GNAT3: variants seen among roughly 807,000 people sequenced by gnomAD.
The protein encoded by GNAT3 is G protein subunit alpha transducin 3, also known as guanine nucleotide-binding protein G(t) subunit alpha-3.
GNAT3 carries 31 observed loss-of-function variants against 37.7 expected under a neutral mutation model. The ratio of observed to expected loss-of-function variants is 0.82; its 90% CI spans 0.62 to 1.11. The LOEUF is 1.11. GNAT3 is among the 50% of genes most tolerant of loss of function. The probability of loss-of-function intolerance (pLI) is 0.00; values close to 1 mark genes in which losing one functional copy is unlikely to be tolerated. For missense variants in GNAT3, 437 were observed against 412.5 expected (o/e 1.06, Z -0.51); for synonymous variants, 138 against 139.8 (o/e 0.99, Z 0.09).
intron 1 of GNAT3, among the ~76,000 whole-genome samples, chr7:80,499,382 A>G (rs1232519597): frequency 6.6e-6 from 1 of 152,122 alleles, no homozygotes; most frequent in Non-Finnish European, 1.5e-5. Context: ...AGAGCGGTGT[A>G]CTTTTTTTGT....
chr7:80,495,751 C>T (rs1226988839), intron 1 of GNAT3, among the ~76,000 whole-genome samples: 4 of 151,998 alleles, frequency 2.6e-5, no homozygotes, highest in Admixed American at 2.6e-4. Context: ...CAGGTGTGAG[C>T]CACTGCACCT....
intron 1 of GNAT3, among the ~76,000 whole-genome samples, chr7:80,498,471 A>G (rs1430846352): frequency 6.6e-6 from 1 of 152,206 alleles, no homozygotes; most frequent in African/African-American, 2.4e-5. Flanking sequence ...AGTATAGTCA[A>G]TTACAGCATT....
intron 5 of GNAT3, among the ~76,000 whole-genome samples, chr7:80,468,114 G>A (rs557034818): frequency 6.6e-6 from 1 of 152,084 alleles, no homozygotes; most frequent in South Asian, 2.1e-4. Context: ...ATTGACCAAG[G>A]CATTAATACA....
At chr7:80,508,149 A>T (rs752327957) in intron 1 of GNAT3, among the ~76,000 whole-genome samples, 11 of 152,032 alleles carry the variant, frequency 7.2e-5, no homozygotes, top group Non-Finnish European at 1.6e-4. Context: ...TGTAGAATAA[A>T]TGTTAATTAT....
At position 80,458,697 on chromosome 7, in the gene GNAT3, T is replaced by C; in HGVS notation, c.1039A>G (p.Asn347Asp). 6.3e-7 allele frequency: 1 copy of C among 1,578,474 alleles called. No homozygotes were observed. The highest frequency in any genetic ancestry group is 8.6e-7 in the Non-Finnish European group (1 of 1,163,664). ...DAVTDIIIKE[N>D]LKDCGLF ...TAGAAAAGCCCACAGTCTTTTAGAT[T>C]CTCTTTGATTATTATATCTGTAACT... Residue 347 changes from asparagine to aspartate, a missense_variant, in exon 8 of 8, where the codon AAT becomes GAT. Coordinates refer to ENST00000398291, the MANE Select transcript of GNAT3 (RefSeq NM_001102386.3).
At chr7:80,484,513 A>G (rs766875511) in intron 3 of GNAT3, among the ~76,000 whole-genome samples, 2 of 152,098 alleles carry the variant, frequency 1.3e-5, no homozygotes, top group African/African-American at 2.4e-5. Context: ...GTCCAAGATG[A>G]TTACAACAGT....
intron 1 of GNAT3, among the ~76,000 whole-genome samples, chr7:80,506,656 C>T (rs574751847): frequency 6.6e-6 from 1 of 152,264 alleles, no homozygotes; most frequent in African/African-American, 2.4e-5. Flanking sequence ...TTCCACTTCA[C>T]TGAGAAGCAG....
At chr7:80,496,570 A>T (rs1790720813) in intron 1 of GNAT3, among the ~76,000 whole-genome samples, 1 of 152,192 alleles carries the variant, frequency 6.6e-6, no homozygotes. Flanking sequence ...ATTATTTAAA[A>T]ATGTTCCTTT....
At chr7:80,498,293 A>G (rs555697246) in intron 1 of GNAT3, among the ~76,000 whole-genome samples, 1 of 152,248 alleles carries the variant, frequency 6.6e-6, no homozygotes, top group African/African-American at 2.4e-5. Context: ...CTGGTAATTC[A>G]TGCTGTGTTT....
intron 4 of GNAT3, 135 bp from the exon 5 acceptor site, chr7:80,474,514 C>G (rs1354916626): frequency 2.7e-6 from 1 of 374,748 alleles, no homozygotes; most frequent in South Asian, 7.4e-5. Flanking sequence ...TTTGAAGAAA[C>G]CAGGATTCAG....
At chr7:80,493,729 CTCCTCCTCCTCTTTCCTCCTCCACCTCTT>C (rs1562730618) in intron 2 of GNAT3, among the ~76,000 whole-genome samples, 8 of 135,698 alleles carry the variant, frequency 5.9e-5, no homozygotes, top group Non-Finnish European at 1.1e-4. Flanking sequence ...CTCTTTCCTC[CTCCTCCTCCTCTTTCCTCCTCCACCTCTT>C]TCCTCCTCCA....
chr7:80,511,820 A>C lies in GNAT3; in HGVS notation c.107T>G (p.Leu36Arg). The change falls in exon 1 of 8, where the codon CTG becomes CGG. Residue 36 changes from leucine to arginine, a missense_variant. Coordinates refer to ENST00000398291, the MANE Select transcript of GNAT3 (RefSeq NM_001102386.3). ...DAERDARTVKLLLLGAGESGK... is the reference protein window; with the variant it reads ...DAERDARTVKRLLLGAGESGK... ...GGAAAAGAAATTACCTAATAGTAGCAGCTTTACGGTTCTTGCATCTCGCTC... is the reference window on the plus strand; with the variant it reads ...GGAAAAGAAATTACCTAATAGTAGCCGCTTTACGGTTCTTGCATCTCGCTC... 1 of 1,606,338 alleles carries C rather than the reference A, an allele frequency of 6.2e-7. No homozygotes were observed.
intron 2 of GNAT3, among the ~76,000 whole-genome samples, chr7:80,490,715 C>T (rs1241880430): frequency 1.3e-5 from 2 of 152,106 alleles, no homozygotes; most frequent in African/African-American, 2.4e-5. Context: ...AAAGTAGATA[C>T]AATTATGATC....
In GNAT3 at chr7:80,458,781, T is replaced by A; in HGVS notation, c.955A>T (p.Ile319Phe). 6.3e-7 allele frequency: 1 copy of A among 1,596,246 alleles called. No homozygotes were observed. ...DLNLKKEDKE[I>F]YSHMTCATDT... The stretch of plus-strand genomic sequence containing the variant: ...GTAGCACAGGTCATGTGGGAATAAA[T>A]TTCCTTATCTTCTTTTTTTAAATTC... The change falls in exon 8 of 8, where the codon ATT (isoleucine) becomes TTT (phenylalanine). Residue 319 changes from isoleucine (I) to phenylalanine (F), a missense_variant. Transcript: ENST00000398291.
chr7:80,488,474 T>C, intron 3 of GNAT3, 61 bp downstream of exon 3: 3 of 1,394,418 alleles, frequency 2.2e-6, no homozygotes, highest in Non-Finnish European at 3.0e-6. Flanking sequence ...TATTAAGTCC[T>C]CTTATTTTAT....
At chr7:80,503,922 G>A (rs1036579167) in intron 1 of GNAT3, among the ~76,000 whole-genome samples, 2 of 152,160 alleles carry the variant, frequency 1.3e-5, no homozygotes, top group African/African-American at 4.8e-5. Flanking sequence ...AGAACAGACC[G>A]TGGTAGATGA....
At chr7:80,505,525 C>A (rs1041866872) in intron 1 of GNAT3, among the ~76,000 whole-genome samples, 3 of 152,094 alleles carry the variant, frequency 2.0e-5, no homozygotes, top group African/African-American at 7.2e-5. Context: ...CGCCAACACG[C>A]CCGGCTAACT....
At chr7:80,478,004 G>A (rs889696209) in intron 4 of GNAT3, among the ~76,000 whole-genome samples, 5 of 152,162 alleles carry the variant, frequency 3.3e-5, no homozygotes, top group African/African-American at 1.2e-4. Context: ...TTGACCTCCT[G>A]CGCTCAAGCA....
chr7:80,474,454 CATACAT>C, intron 4 of GNAT3, 75 bp from the exon 5 acceptor site: 1 of 605,168 alleles, frequency 1.7e-6, no homozygotes, highest in Non-Finnish European at 2.8e-6. Context: ...TATATACACA[CATACAT>C]ACATATATAT....
Sources: gnomAD v4.1 joint callset for allele counts (sites outside exome capture counted in the v4.1 genomes callset) on GRCh38, gnomAD v4.1.1 for gene constraint, MANE v1.5 for transcripts, NCBI Gene and HGNC (gene_info 2026-07-23, HGNC 2026-07-21) for gene names.